The following DTD1 variants were observed in gnomAD, a reference collection of about 807,000 sequenced individuals.
DTD1 encodes D-aminoacyl-tRNA deacylase 1.
A neutral mutation model predicts 25.6 loss-of-function variants in DTD1; 13 were observed. The observed-to-expected ratio is 0.51, with a 90% confidence interval of 0.33 to 0.81. The LOEUF (loss-of-function observed/expected upper bound fraction) is 0.81, where lower values mean the gene tolerates loss of function less well. DTD1 is among the 30% of genes least tolerant of loss of function. The pLI, the probability that DTD1 is intolerant of heterozygous loss-of-function variation, is 0.02. For missense variants in DTD1, 193 were observed against 266.4 expected, an observed-to-expected ratio of 0.72 and a Z score of 1.92; for synonymous variants, 110 against 103.6, an observed-to-expected ratio of 1.06 and a Z score of -0.37.
chr20:18,644,053 T>C (rs1479247220), intron 4 of DTD1, among the ~76,000 whole-genome samples: 1 of 152,218 alleles, frequency 6.6e-6, no homozygotes, highest in African/African-American at 2.4e-5. Context: ...CTGCATTTTG[T>C]GTAGCTATTT....
intron 3 of DTD1, among the ~76,000 whole-genome samples, chr20:18,622,859 G>A (rs942631047): frequency 6.6e-6 from 1 of 151,622 alleles, no homozygotes. Context: ...CCAATATCCC[G>A]CAAGTTCCTC....
chr20:18,675,587 A>G (rs1275625395), intron 4 of DTD1: 2 of 151,832 alleles, frequency 1.3e-5, no homozygotes, highest in Admixed American at 1.3e-4. Context: ...CAAACTTTGT[A>G]CTCTTTAAAT....
chr20:18,686,433 A>T (rs544684814), intron 4 of DTD1, among the ~76,000 whole-genome samples: 32 of 152,354 alleles, frequency 2.1e-4, no homozygotes, highest in Admixed American at 2.1e-3. Context: ...ATTGTTTTAT[A>T]TATAGTTATA....
intron 4 of DTD1, among the ~76,000 whole-genome samples, chr20:18,723,216 C>A (rs1156958849): frequency 2.6e-5 from 4 of 152,176 alleles, no homozygotes; most frequent in Non-Finnish European, 4.4e-5. Flanking sequence ...ACAGCTGTGG[C>A]AACCAAAAAT....
chr20:18,733,817 A>C (rs1002943935), intron 4 of DTD1, among the ~76,000 whole-genome samples: 2 of 152,216 alleles, frequency 1.3e-5, no homozygotes, highest in African/African-American at 4.8e-5. Flanking sequence ...ATAATGTATG[A>C]AAATTAGGTA....
chr20:18,734,877 G>A (rs2061250147), intron 4 of DTD1, among the ~76,000 whole-genome samples: 1 of 152,160 alleles, frequency 6.6e-6, no homozygotes, highest in South Asian at 2.1e-4. Flanking sequence ...TAATGGATGG[G>A]GGCATTTACC....
chr20:18,705,335 A>G (rs569658238), intron 4 of DTD1, among the ~76,000 whole-genome samples: 1 of 152,342 alleles, frequency 6.6e-6, no homozygotes, highest in Non-Finnish European at 1.5e-5. Context: ...TCACACGTGG[A>G]CATGGATTCA....
chr20:18,676,079 A>G (rs906911786), intron 4 of DTD1, among the ~76,000 whole-genome samples: 6 of 152,178 alleles, frequency 3.9e-5, no homozygotes, highest in African/African-American at 1.4e-4. Flanking sequence ...GTTATGCTCT[A>G]GTTTTTCCTC....
At chr20:18,632,337 C>A (rs1335970520) in intron 4 of DTD1, 26 of 985,300 alleles carry the variant, frequency 2.6e-5, no homozygotes, top group Non-Finnish European at 3.1e-5. Flanking sequence ...TCCTGGCCCC[C>A]AGAAGCCTCA....
At chr20:18,640,528 T>C (rs532737950) in intron 4 of DTD1, among the ~76,000 whole-genome samples, 1 of 152,308 alleles carries the variant, frequency 6.6e-6, no homozygotes, top group African/African-American at 2.4e-5. Context: ...TTTTAAATTG[T>C]GTTTAATTAT....
intron 4 of DTD1, among the ~76,000 whole-genome samples, chr20:18,645,531 G>T (rs1228441677): frequency 6.6e-6 from 1 of 152,144 alleles, no homozygotes; most frequent in Non-Finnish European, 1.5e-5. Flanking sequence ...CCTGTTGTTG[G>T]GTGTTTTTGT....
intron 4 of DTD1, among the ~76,000 whole-genome samples, chr20:18,641,789 A>G (rs2122337685): frequency 6.6e-6 from 1 of 152,198 alleles, no homozygotes; most frequent in East Asian, 1.9e-4. Flanking sequence ...ATGATCTGCA[A>G]ATATTTTCTC....
rs897409354 is a variant in DTD1, at chr20:18,588,058, G to C, written c.-15G>C. The C allele has an allele frequency of 3.0e-5, 42 of 1,400,724 alleles. No homozygotes were observed. Among genetic ancestry groups the C allele is most frequent in the Non-Finnish European group, 3.8e-5 (41 of 1,083,428 alleles). The allele number at this position is 1,400,724 out of a possible 1,614,324, so 86.8% of individuals were successfully genotyped here. A position where few individuals can be genotyped will look rare whatever the true frequency, so the allele number is the denominator to read the frequency against. ...GACGCAGCGCGGCGCCGCCCCACTC[G>C]CCCCAGCCGCCGCCATGAAGGCCGT... On this transcript the variant is annotated 5_prime_UTR_variant, in exon 1 of 6. Transcript: ENST00000377452.
chr20:18,666,404 C>T (rs2060931520), intron 4 of DTD1, among the ~76,000 whole-genome samples: 1 of 152,172 alleles, frequency 6.6e-6, no homozygotes, highest in Non-Finnish European at 1.5e-5. Flanking sequence ...TAAGCACAGT[C>T]CTTTCTTAAA....
At chr20:18,599,445 G>A (rs961845990) in intron 3 of DTD1, among the ~76,000 whole-genome samples, 1 of 152,228 alleles carries the variant, frequency 6.6e-6, no homozygotes, top group Admixed American at 6.5e-5. Context: ...AAAGTGCTGG[G>A]ATTACAGGTG....
intron 3 of DTD1, among the ~76,000 whole-genome samples, chr20:18,623,168 C>T (rs1035716698): frequency 3.3e-5 from 5 of 151,714 alleles, no homozygotes; most frequent in African/African-American, 9.7e-5. Context: ...CTCGATCTCC[C>T]GACCTCGTGA....
At chr20:18,641,148 T>C (rs1308000750) in intron 4 of DTD1, among the ~76,000 whole-genome samples, 1 of 152,248 alleles carries the variant, frequency 6.6e-6, no homozygotes, top group Non-Finnish European at 1.5e-5. Context: ...GATTCATCCA[T>C]GTTGAGCCTT....
intron 3 of DTD1, among the ~76,000 whole-genome samples, chr20:18,615,455 G>C (rs932511958): frequency 6.6e-6 from 1 of 152,222 alleles, no homozygotes; most frequent in Non-Finnish European, 1.5e-5. Context: ...ATCCTCAACA[G>C]CCCTTCAGGG....
intron 4 of DTD1, among the ~76,000 whole-genome samples, chr20:18,706,648 G>A (rs1432988901): frequency 6.6e-6 from 1 of 152,194 alleles, no homozygotes; most frequent in Non-Finnish European, 1.5e-5. Flanking sequence ...CCTCTGAGGA[G>A]CTGGATTAAT....
Sources: allele counts gnomAD v4.1 joint callset (sites outside exome capture counted in the v4.1 genomes callset), GRCh38; gene constraint gnomAD v4.1.1; transcripts MANE v1.5; gene names NCBI Gene and HGNC (gene_info 2026-07-23, HGNC 2026-07-21).